CCDC61: variants seen among roughly 807,000 people sequenced by gnomAD.
CCDC61 encodes the protein centrosomal protein CCDC61.
Under a neutral mutation model 63.0 loss-of-function variants are expected in CCDC61, and 55 were observed. That is an observed-to-expected ratio of 0.87 (90% CI 0.70 to 1.09). CCDC61 has a LOEUF of 1.09. Among genes scored for constraint, CCDC61 ranks in the 50% least tolerant of loss-of-function variants. The pLI, the probability that CCDC61 is intolerant of heterozygous loss-of-function variation, is 0.00. For synonymous variants in CCDC61, 270 were observed against 317.0 expected, an observed-to-expected ratio of 0.85 and a Z score of 1.58; for missense variants, 651 against 731.4, an observed-to-expected ratio of 0.89 and a Z score of 1.27.
chr19:46,008,560 C>T (rs190411684), intron 5 of CCDC61, among the ~76,000 whole-genome samples: 30 of 152,330 alleles, frequency 2.0e-4, no homozygotes, highest in South Asian at 4.1e-4. Flanking sequence ...AGGCACGCGC[C>T]ACCATGTCCG....
In CCDC61 at chr19:46,015,989, G is replaced by C; in HGVS notation, c.846-65G>C. The C allele has an allele frequency of 8.2e-7, 1 of 1,218,246 alleles. No homozygotes were observed. The highest frequency in any genetic ancestry group is 3.2e-5 in the East Asian group (1 of 31,426). The allele number at this position is 1,218,246 out of a possible 1,614,324, so 75.5% of individuals were successfully genotyped here. On this transcript the variant is annotated intron_variant, in intron 7 of 13. Coordinates refer to ENST00000595358, the MANE Select transcript of CCDC61 (RefSeq NM_001267723.2). This position sits in a 1 kb window ranked among gnomAD's most constrained non-coding sequence, Gnocchi z 5.3. ...AGGGTTCGGAGAAGGTGCGGTCGGGGAGGAGTCTCGCGATTGAGTTTGTCG... is the reference window on the plus strand; with the variant it reads ...AGGGTTCGGAGAAGGTGCGGTCGGGCAGGAGTCTCGCGATTGAGTTTGTCG...
At chr19:46,001,755 G>C (rs546207414) in intron 1 of CCDC61, among the ~76,000 whole-genome samples, 4 of 152,330 alleles carry the variant, frequency 2.6e-5, no homozygotes, top group Admixed American at 1.3e-4. Flanking sequence ...GATGGGCCTG[G>C]GGGGTGGTAA....
intron 1 of CCDC61, among the ~76,000 whole-genome samples, chr19:46,000,541 G>C (rs1486779562): frequency 6.6e-6 from 1 of 151,872 alleles, no homozygotes; most frequent in Non-Finnish European, 1.5e-5. Context: ...GGAATATGTG[G>C]AGTGGGAGGT....
intron 5 of CCDC61, among the ~76,000 whole-genome samples, chr19:46,013,216 G>T (rs754519872): frequency 9.2e-5 from 14 of 152,070 alleles, no homozygotes; most frequent in Non-Finnish European, 1.6e-4. Context: ...TAGAGAGGGG[G>T]TTTCACCATA....
chr19:46,005,091 A>G (rs1231191630), intron 3 of CCDC61, among the ~76,000 whole-genome samples: 2 of 151,760 alleles, frequency 1.3e-5, no homozygotes. Flanking sequence ...GCTCACTGCA[A>G]CCTCCGCCTC....
At chr19:46,011,424 A>G (rs1353049985) in intron 5 of CCDC61, among the ~76,000 whole-genome samples, 4 of 152,284 alleles carry the variant, frequency 2.6e-5, no homozygotes, top group Admixed American at 2.6e-4. Context: ...GGAAGAAATC[A>G]GGTTATTTGT....
Sources: allele counts gnomAD v4.1 joint callset (sites outside exome capture counted in the v4.1 genomes callset), GRCh38; gene constraint gnomAD v4.1.1; non-coding constraint Gnocchi (gnomAD v3.1); transcripts MANE v1.5; gene names NCBI Gene and HGNC (gene_info 2026-07-23, HGNC 2026-07-21).